The following SORCS3 variants were observed in gnomAD, a reference collection of about 807,000 sequenced individuals.
The protein encoded by SORCS3 is sortilin related VPS10 domain containing receptor 3.
A neutral mutation model predicts 146.3 loss-of-function variants in SORCS3; 57 were observed. The observed-to-expected ratio is 0.39, with a 90% CI of 0.31 to 0.49. SORCS3 has a LOEUF of 0.49. SORCS3 is among the 20% of genes least tolerant of loss of function. SORCS3 has a pLI of 0.92. For synonymous variants in SORCS3, 653 were observed against 618.5 expected (o/e 1.06, Z -0.83); for missense variants, 1,341 against 1,575.5 (o/e 0.85, Z 2.52).
At chr10:104,670,293 G>T (rs979792407) in intron 1 of SORCS3, among the ~76,000 whole-genome samples, 1 of 152,038 alleles carries the variant, frequency 6.6e-6, no homozygotes, top group African/African-American at 2.4e-5. Flanking sequence ...CCAATGTAGT[G>T]AAACTTTTCC....
chr10:104,741,032 G>A (rs878996223), intron 1 of SORCS3, among the ~76,000 whole-genome samples: 5 of 151,750 alleles, frequency 3.3e-5, no homozygotes, highest in Admixed American at 3.3e-4. Context: ...TCCTATCATA[G>A]CTCATTGTAA....
intron 4 of SORCS3, among the ~76,000 whole-genome samples, chr10:105,040,762 A>G (rs987973378): frequency 6.6e-6 from 1 of 152,108 alleles, no homozygotes; most frequent in African/African-American, 2.4e-5. Context: ...TCTTGCATGC[A>G]TAATTGAACA....
At chr10:105,121,902 C>T (rs779175672) in intron 7 of SORCS3, among the ~76,000 whole-genome samples, 2 of 152,130 alleles carry the variant, frequency 1.3e-5, no homozygotes, top group Non-Finnish European at 2.9e-5. Context: ...TCCCTGTGTA[C>T]GTCTTGCCAT....
At chr10:105,180,914 T>G (rs1195859838) in intron 14 of SORCS3, among the ~76,000 whole-genome samples, 1 of 152,192 alleles carries the variant, frequency 6.6e-6, no homozygotes, top group Non-Finnish European at 1.5e-5. Flanking sequence ...CTTATTTATT[T>G]TTTCCTTCAC....
In SORCS3 at chr10:105,004,135, G is replaced by A. The variant is rs866720285; in HGVS notation, c.954+26642G>A. Among the ~76,000 whole-genome samples, 8 of 152,236 alleles carry A rather than the reference G, an allele frequency of 5.3e-5. No homozygotes were observed. In the Middle Eastern group the frequency reaches 0.01, roughly 194 times the overall value. Reference sequence around the variant, plus strand: ...GACTGTGGGTGGCTATAAAATCAGAGTGGGTACAGTGCAGCTGTCTGCCTG... The same window carrying A: ...GACTGTGGGTGGCTATAAAATCAGAATGGGTACAGTGCAGCTGTCTGCCTG... On this transcript the variant is annotated intron_variant, in intron 4 of 26. Transcript: ENST00000369701.
chr10:104,991,911 C>T (rs1194815211), intron 4 of SORCS3, among the ~76,000 whole-genome samples: 1 of 152,178 alleles, frequency 6.6e-6, no homozygotes, highest in Non-Finnish European at 1.5e-5. Context: ...TAGTAACATT[C>T]TGAGGTACTG....
At chr10:105,021,682 C>T (rs1589597745) in intron 4 of SORCS3, among the ~76,000 whole-genome samples, 1 of 152,096 alleles carries the variant, frequency 6.6e-6, no homozygotes, top group South Asian at 2.1e-4. Context: ...AATATAACAT[C>T]CATCTCTGTG....
intron 3 of SORCS3, among the ~76,000 whole-genome samples, chr10:104,939,382 G>A (rs2019289515): frequency 6.6e-6 from 1 of 152,154 alleles, no homozygotes; most frequent in African/African-American, 2.4e-5. Flanking sequence ...GCCTGGCACT[G>A]GGTTGACATT....
intron 1 of SORCS3, among the ~76,000 whole-genome samples, chr10:104,729,358 A>G (rs1202578800): frequency 6.6e-6 from 1 of 152,242 alleles, no homozygotes; most frequent in Non-Finnish European, 1.5e-5. Flanking sequence ...TGCCCAGAGT[A>G]CATTTTTAAT....
chr10:104,683,749 C>T (rs1231961228), intron 1 of SORCS3, among the ~76,000 whole-genome samples: 3 of 152,098 alleles, frequency 2.0e-5, no homozygotes, highest in Non-Finnish European at 4.4e-5. Context: ...CAGTGGCTGG[C>T]AAGGTCTGGA....
chr10:104,725,932 G>T (rs562162340), intron 1 of SORCS3, among the ~76,000 whole-genome samples: 1 of 152,232 alleles, frequency 6.6e-6, no homozygotes, highest in African/African-American at 2.4e-5. Context: ...CCCGGGTGAG[G>T]CGATGCCTCG....
chr10:105,193,399 C>T (rs1406032903), intron 14 of SORCS3, among the ~76,000 whole-genome samples: 1 of 152,170 alleles, frequency 6.6e-6, no homozygotes, highest in East Asian at 1.9e-4. Flanking sequence ...TATCATTAAT[C>T]AACCCAGAAG....
At chr10:104,978,588 C>T (rs1244959363) in intron 4 of SORCS3, among the ~76,000 whole-genome samples, 1 of 152,094 alleles carries the variant, frequency 6.6e-6, no homozygotes, top group Non-Finnish European at 1.5e-5. Context: ...TGTTCTAAAC[C>T]CACCATCTGT....
intron 1 of SORCS3, among the ~76,000 whole-genome samples, chr10:104,827,677 C>T (rs1390543324): frequency 6.6e-6 from 1 of 152,126 alleles, no homozygotes; most frequent in Non-Finnish European, 1.5e-5. Flanking sequence ...TCTTTTGAAG[C>T]TTTGAAGCCA....
intron 16 of SORCS3, among the ~76,000 whole-genome samples, chr10:105,205,654 A>T (rs2119627097): frequency 6.6e-6 from 1 of 152,326 alleles, no homozygotes; most frequent in Non-Finnish European, 1.5e-5. Context: ...GTTCAGTGAG[A>T]AACGAGGTTG....
chr10:104,902,989 AC>A (rs2018867659), intron 2 of SORCS3, among the ~76,000 whole-genome samples: 1 of 152,076 alleles, frequency 6.6e-6, no homozygotes, highest in East Asian at 1.9e-4. Context: ...AATCAGTGAA[AC>A]CCTTGCCATG....
chr10:104,973,410 T>C (rs2054873685), intron 3 of SORCS3, among the ~76,000 whole-genome samples: 1 of 152,204 alleles, frequency 6.6e-6, no homozygotes, highest in Non-Finnish European at 1.5e-5. Flanking sequence ...AACTTCTTCC[T>C]GGTTTAGTCT....
At chr10:105,022,662 C>T (rs891656888) in intron 4 of SORCS3, among the ~76,000 whole-genome samples, 1 of 152,086 alleles carries the variant, frequency 6.6e-6, no homozygotes, top group African/African-American at 2.4e-5. Context: ...GAAATGACTT[C>T]TTAGAAATTT....
intron 1 of SORCS3, among the ~76,000 whole-genome samples, chr10:104,735,764 C>T (rs538754509): frequency 3.7e-4 from 56 of 152,122 alleles, no homozygotes; most frequent in African/African-American, 1.3e-3. Flanking sequence ...GTTTGGGATA[C>T]GGTTATGACC....
Sources: gnomAD v4.1 joint callset for allele counts (sites outside exome capture counted in the v4.1 genomes callset) on GRCh38, gnomAD v4.1.1 for gene constraint, MANE v1.5 for transcripts, NCBI Gene and HGNC (gene_info 2026-07-23, HGNC 2026-07-21) for gene names.